ASPM: variants seen among roughly 807,000 people sequenced by gnomAD.
ASPM encodes abnormal spindle-like microcephaly-associated protein.
A neutral mutation model predicts 366.4 loss-of-function variants in ASPM; 256 were observed. The observed-to-expected ratio is 0.70, with a 90% CI of 0.63 to 0.77. The LOEUF is 0.77. ASPM is among the 30% of genes least tolerant of loss of function. The pLI is 0.00. For missense variants in ASPM, 4,146 were observed against 4,090.4 expected (o/e 1.01, Z -0.37); for synonymous variants, 1,414 against 1,342.9 (o/e 1.05, Z -1.16).
chr1:197,136,006 C>T (rs1428009761), intron 4 of ASPM, among the ~76,000 whole-genome samples: 2 of 152,124 alleles, frequency 1.3e-5, no homozygotes, highest in Non-Finnish European at 2.9e-5. Context: ...GAGAGAAGAG[C>T]AACTCTCACA....
At position 197,101,707 on chromosome 1, in the gene ASPM, C is replaced by G. The variant is rs751584273; in HGVS notation, c.7544G>C (p.Arg2515Pro). Reference protein sequence around the residue: ...HASILIQQHYRTYRAAKLQRE... With the variant: ...HASILIQQHYPTYRAAKLQRE... ...TTGTAATTTTGCAGCTCTATATGTTCGATAATGTTGCTGAATTAGAATTGA... is the reference window on the plus strand; with the variant it reads ...TTGTAATTTTGCAGCTCTATATGTTGGATAATGTTGCTGAATTAGAATTGA... Residue 2515 changes from arginine to proline, a missense_variant, in exon 18 of 28, where the codon CGA (arginine) becomes CCA (proline). Physicochemically the swap from Arg to Pro is moderately radical, Grantham distance 103. Coordinates refer to ENST00000367409, the MANE Select transcript of ASPM (RefSeq NM_018136.5). 6.2e-7 allele frequency: 1 copy of G among 1,611,928 alleles called. No individual in the cohort carries two copies. Among genetic ancestry groups the G allele is most frequent in the Non-Finnish European group, 8.5e-7 (1 of 1,178,968 alleles).
chr1:197,146,048 C>A, intron 1 of ASPM, 93 bp downstream of exon 1: 9 of 1,512,234 alleles, frequency 6.0e-6, no homozygotes, highest in Non-Finnish European at 8.3e-6. Context: ...TTTCTGATTT[C>A]TTCTCCAATC....
chr1:197,089,904 A>G (rs559700079), intron 25 of ASPM, 26 bp downstream of exon 25: 1 of 1,605,212 alleles, frequency 6.2e-7, no homozygotes, highest in South Asian at 1.1e-5. Context: ...ACCAGTGAAT[A>G]TCTCATTAAT....
Position 197,129,274 on chromosome 1 carries a change from CAAT to C in ASPM, c.2670_2672del (p.Leu893del), listed in dbSNP as rs1391114659. On this transcript the variant is annotated inframe_deletion, in exon 9 of 28. Coordinates refer to ENST00000367409, the MANE Select transcript of ASPM (RefSeq NM_018136.5). ...CATAATCAAGAAAACAGACCAACAA[CAAT>C]AACTTTTTCAATGTAAACTTGGACA... is the stretch of plus-strand genomic sequence containing the variant. 2 of 1,612,762 alleles carry C rather than the reference CAAT, an allele frequency of 1.2e-6. No individual in the cohort carries two copies. Among genetic ancestry groups the C allele is most frequent in the Non-Finnish European group, 1.7e-6 (2 of 1,179,054 alleles).
rs1239930691 is a variant in ASPM at position 197,098,439 on chromosome 1, T to C, written c.8820+1992A>G. Among the ~76,000 whole-genome samples the C allele has an allele frequency of 1.3e-5, 2 of 151,658 alleles. 1 individual carries two copies. Among genetic ancestry groups the C allele is most frequent in the Non-Finnish European group, 2.9e-5 (2 of 67,798 alleles). On this transcript the variant is annotated intron_variant, in intron 18 of 27. Transcript: ENST00000367409. Reference sequence around the variant, plus strand: ...TGGCATAGGCTAAAAATTATATGTGTAAAATACAATTTTATTATGTAATTA... The same window carrying C: ...TGGCATAGGCTAAAAATTATATGTGCAAAATACAATTTTATTATGTAATTA...
chr1:197,135,118 A>T lies in ASPM; in HGVS notation c.2151T>A (p.Thr717=). The T allele has an allele frequency of 6.2e-7, 1 of 1,601,198 alleles. No individual in the cohort carries two copies. Among genetic ancestry groups the T allele is most frequent in the Non-Finnish European group, 8.6e-7 (1 of 1,168,538 alleles). ...TACCTTCAGAAATATTTGTTTTTAC[A>T]GTGAAGTCATCAGGGGTTAATATAA... The part of the protein sequence containing the change: ...LNFILTPDDF[T]VKTNISEVNA... Residue 717 remains threonine (T), a synonymous_variant, in exon 5 of 28, where the codon ACT becomes ACA. Transcript: ENST00000367409.
intron 6 of ASPM, among the ~76,000 whole-genome samples, chr1:197,133,056 A>C (rs1041204911): frequency 2.0e-5 from 3 of 152,198 alleles, no homozygotes; most frequent in Non-Finnish European, 2.9e-5. Flanking sequence ...AATGTACACC[A>C]TGACGACTAT....
chr1:197,143,747 C>G lies in ASPM; in HGVS notation c.505G>C (p.Val169Leu). Residue 169 changes from valine (V) to leucine (L), a missense_variant, in exon 3 of 28, where the codon GTT becomes CTT. By Grantham distance (32) the Val-to-Leu change is conservative. Coordinates refer to ENST00000367409, the MANE Select transcript of ASPM (RefSeq NM_018136.5). ...TTATTAACATTCTGAATATTTGAAA[C>G]CCTTCTGTTGTGACTTGTAGAGGCT... Reference protein sequence around the residue: ...ISASTSHNRRVSNIQNVNKTF... With the variant: ...ISASTSHNRRLSNIQNVNKTF... The G allele has an allele frequency of 6.2e-7, 1 of 1,613,512 alleles. No homozygotes were observed. Among genetic ancestry groups the G allele is most frequent in the African/African-American group, 1.3e-5 (1 of 74,972 alleles).
intron 26 of ASPM, 101 bp from the exon 27 acceptor site, chr1:197,087,073 C>CTT: frequency 1.6e-5 from 17 of 1,046,276 alleles, no homozygotes; most frequent in Non-Finnish European, 2.2e-5. Context: ...TGCAGTAAAC[C>CTT]TTTTTTTTTT....
chr1:197,141,734 G>A (rs1411564319), intron 3 of ASPM, among the ~76,000 whole-genome samples: 2 of 152,020 alleles, frequency 1.3e-5, no homozygotes, highest in Admixed American at 1.3e-4. Context: ...TTGAGGACAG[G>A]AATTATCCCT....
At chr1:197,127,808 C>A (rs1658134291) in intron 10 of ASPM, among the ~76,000 whole-genome samples, 1 of 152,098 alleles carries the variant, frequency 6.6e-6, no homozygotes. Context: ...ATATGTAAAA[C>A]AAGGTTAATA....
In ASPM at chr1:197,086,934, G is replaced by A. The variant is rs1243585517; in HGVS notation, c.10200C>T (p.Tyr3400=). 4 of 1,610,682 alleles carry A rather than the reference G, an allele frequency of 2.5e-6. No homozygotes were observed. Among genetic ancestry groups the A allele is most frequent in the Non-Finnish European group, 3.4e-6 (4 of 1,179,362 alleles). The change falls in exon 27 of 28, where the codon TAC becomes TAT. Residue 3400 remains tyrosine, a synonymous_variant. Transcript: ENST00000367409. ...RSRSKVVDRI[Y]SLYKLTAHKH... is the part of the protein sequence containing the mutation. ...TATGAGCTGTAAGTTTGTAGAGACT[G>A]TAAATACGGTCAACAACTTTGGACC...
At chr1:197,100,313 G>A in intron 18 of ASPM, 118 bp downstream of exon 18, 1 of 715,782 alleles carries the variant, frequency 1.4e-6, no homozygotes, top group South Asian at 2.3e-5. Flanking sequence ...GAAGATAAAT[G>A]GTCACCTCAA....
At chr1:197,086,200 C>T (rs769384434) in intron 27 of ASPM, among the ~76,000 whole-genome samples, 2 of 149,528 alleles carry the variant, frequency 1.3e-5, no homozygotes, top group Non-Finnish European at 3.0e-5. Context: ...AGGATTTGTA[C>T]CTAGTATAGA....
At chr1:197,125,581 T>C (rs1044204301) in intron 10 of ASPM, among the ~76,000 whole-genome samples, 2 of 152,166 alleles carry the variant, frequency 1.3e-5, no homozygotes, top group African/African-American at 4.8e-5. Flanking sequence ...TATTTTCTTA[T>C]TTTAGTTATC....
Position 197,101,964 on chromosome 1 carries a change from G to A in ASPM, c.7287C>T (p.Ser2429=). ...GAACAAAAATAGTAGCTTTTTTGAG[G>A]GAAATGAATCTTCTCCTCACCAGTA... is the stretch of plus-strand genomic sequence containing the variant. ...RSLLVRRRFI[S]LKKATIFVQR... The change falls in exon 18 of 28, where the codon TCC becomes TCT. Residue 2429 remains serine (S), a synonymous_variant. Coordinates refer to ENST00000367409, the MANE Select transcript of ASPM (RefSeq NM_018136.5). 1 of 1,612,702 alleles carries A rather than the reference G, an allele frequency of 6.2e-7. No homozygotes were observed. The highest frequency in any genetic ancestry group is 1.1e-5 in the South Asian group (1 of 91,070).
chr1:197,142,282 G>A (rs569385827), intron 3 of ASPM, 49 bp downstream of exon 3: 1 of 1,579,668 alleles, frequency 6.3e-7, no homozygotes, highest in South Asian at 1.1e-5. Flanking sequence ...CCAAAAGGAA[G>A]TATCCCCTTT....
At chr1:197,137,133 G>A (rs1249944147) in intron 4 of ASPM, among the ~76,000 whole-genome samples, 2 of 152,146 alleles carry the variant, frequency 1.3e-5, no homozygotes, top group African/African-American at 4.8e-5. Context: ...GGATTAAGAT[G>A]AAAGAATGAG....
Position 197,134,085 on chromosome 1 carries a change from T to C in ASPM, c.2174-490A>G, listed in dbSNP as rs547713280. 3.3e-5 allele frequency among the ~76,000 whole-genome samples: 5 copies of C among 152,092 alleles called. No individual in the cohort carries two copies. The East Asian group carries it at 7.7e-4, about 23-fold the overall frequency. ...CTAAGATCACTGCTTAGAGAGCATC[T>C]AATTCAAAGACCCTTTTAATACAAA... On this transcript the variant is annotated intron_variant, in intron 5 of 27. Coordinates refer to ENST00000367409, the MANE Select transcript of ASPM (RefSeq NM_018136.5).
Sources: allele counts gnomAD v4.1 joint callset (sites outside exome capture counted in the v4.1 genomes callset), GRCh38; gene constraint gnomAD v4.1.1; transcripts MANE v1.5; gene names NCBI Gene and HGNC (gene_info 2026-07-23, HGNC 2026-07-21).